Variants in CPEB3 observed in about 807,000 individuals in gnomAD.
The protein encoded by CPEB3 is cytoplasmic polyadenylation element binding protein 3.
In CPEB3, 20 loss-of-function variants were observed where a neutral mutation model predicts 67.2. The ratio of observed to expected loss-of-function variants is 0.30; its 90% CI spans 0.21 to 0.43. CPEB3 has a LOEUF of 0.43. Among genes scored for constraint, CPEB3 ranks in the 20% least tolerant of loss-of-function variants. The pLI is 1.00. For missense variants in CPEB3, 746 were observed against 968.6 expected (o/e 0.77, Z 3.05); for synonymous variants, 376 against 393.1 (o/e 0.96, Z 0.51).
intron 3 of CPEB3, among the ~76,000 whole-genome samples, chr10:92,190,473 G>C (rs7905301): frequency 0.35 from 52,627 of 151,192 alleles, 10,187 homozygotes; most frequent in African/African-American, 0.51. Flanking sequence ...TGAGACCAGC[G>C]TGACCAACAT....
intron 2 of CPEB3, among the ~76,000 whole-genome samples, chr10:92,211,757 G>A (rs557401193): frequency 2.0e-5 from 3 of 151,828 alleles, no homozygotes; most frequent in African/African-American, 7.2e-5. Flanking sequence ...TGGCTAGGCT[G>A]GTTTTGAACT....
chr10:92,178,090 C>A (rs966412543), intron 4 of CPEB3, among the ~76,000 whole-genome samples: 2 of 152,078 alleles, frequency 1.3e-5, no homozygotes, highest in African/African-American at 4.8e-5. Flanking sequence ...TCAACTTCAA[C>A]CTAGTCCCTT....
rs1224538105 is a variant in CPEB3, at chr10:92,249,405, T to C, written c.-11-9044A>G. Among the ~76,000 whole-genome samples, 6 of 150,574 alleles carry C rather than the reference T, an allele frequency of 4.0e-5. No individual in the cohort carries two copies. The East Asian group carries it at 1.2e-3, about 30-fold the overall frequency. ...AAAAAAAAAAAAAAATTATAGCACA[T>C]ACAATTATGTACAGTACAAAATACT... On this transcript the variant is annotated intron_variant, in intron 1 of 9. Transcript: ENST00000265997.
At chr10:92,080,959 T>G (rs1409684711) in intron 9 of CPEB3, among the ~76,000 whole-genome samples, 1 of 152,166 alleles carries the variant, frequency 6.6e-6, no homozygotes, top group East Asian at 1.9e-4. Context: ...TGTTTAAATG[T>G]TAATCTAAGT....
Position 92,289,650 on chromosome 10 carries a change from C to A in CPEB3, c.-12+1276G>T, listed in dbSNP as rs1193753273. Among the ~76,000 whole-genome samples the A allele has an allele frequency of 4.9e-5, 7 of 141,646 alleles. No individual in the cohort carries two copies. The Admixed American group carries it at 5.1e-4, about 10-fold the overall frequency. The allele number at this position is 141,646 out of a possible 152,430, so 92.9% of individuals were successfully genotyped here. On this transcript the variant is annotated intron_variant, in intron 1 of 9. Coordinates refer to ENST00000265997, the MANE Select transcript of CPEB3 (RefSeq NM_014912.5). ...ATCCCAACACTTTGGGAGACCAATG[C>A]GGGTGGCTCGCTTGAGCCCAGGAGT...
intron 6 of CPEB3, among the ~76,000 whole-genome samples, chr10:92,134,460 T>A (rs575589605): frequency 2.6e-5 from 4 of 151,792 alleles, no homozygotes; most frequent in African/African-American, 9.7e-5. Flanking sequence ...TTACAAGGGA[T>A]GTGAAGGACC....
intron 7 of CPEB3, among the ~76,000 whole-genome samples, chr10:92,095,424 G>T (rs1843812893): frequency 6.6e-6 from 1 of 151,820 alleles, no homozygotes; most frequent in Non-Finnish European, 1.5e-5. Context: ...TAATATTGTG[G>T]TACTATCTGT....
chr10:92,233,563 C>T (rs565910785), intron 2 of CPEB3, among the ~76,000 whole-genome samples: 2 of 142,674 alleles, frequency 1.4e-5, no homozygotes, highest in East Asian at 4.1e-4. Flanking sequence ...ATGGACAGAA[C>T]ACAAACTACT....
In CPEB3 at chr10:92,256,536, G is replaced by T. The variant is rs531601632; in HGVS notation, c.-11-16175C>A. Among the ~76,000 whole-genome samples the T allele has an allele frequency of 2.1e-3, 319 of 151,796 alleles. 2 individuals are homozygous for T. The highest frequency in any genetic ancestry group is 7.4e-3 in the African/African-American group (306 of 41,402). The stretch of plus-strand genomic sequence containing the variant: ...CCTGAGTAGCTGGGACTACAGGCAC[G>T]TGCCACCACACCCAGCTAATTTTTG... On this transcript the variant is annotated intron_variant, in intron 1 of 9. Coordinates refer to ENST00000265997, the MANE Select transcript of CPEB3 (RefSeq NM_014912.5).
At chr10:92,124,043 C>T (rs992830319) in intron 6 of CPEB3, among the ~76,000 whole-genome samples, 2 of 152,212 alleles carry the variant, frequency 1.3e-5, no homozygotes, top group African/African-American at 2.4e-5. Context: ...TCCTCTCTGC[C>T]TCAGTCTGCC....
intron 2 of CPEB3, among the ~76,000 whole-genome samples, chr10:92,206,434 CT>C (rs959806519): frequency 2.6e-5 from 4 of 152,084 alleles, no homozygotes; most frequent in African/African-American, 9.7e-5. Flanking sequence ...TCTATGTACT[CT>C]TTTTCCCTTT....
chr10:92,216,648 T>A, intron 2 of CPEB3: 1 of 1,607,652 alleles, frequency 6.2e-7, no homozygotes, highest in South Asian at 1.1e-5. Context: ...CTGCCCTATG[T>A]CTATATCCCC....
intron 9 of CPEB3, among the ~76,000 whole-genome samples, chr10:92,076,702 C>T (rs1384244783): frequency 1.3e-5 from 2 of 152,178 alleles, no homozygotes; most frequent in South Asian, 2.1e-4. Flanking sequence ...ACATGAGCCA[C>T]TGTGCCTGGC....
At chr10:92,171,234 G>C (rs1324175650) in intron 4 of CPEB3, among the ~76,000 whole-genome samples, 1 of 152,146 alleles carries the variant, frequency 6.6e-6, no homozygotes, top group East Asian at 1.9e-4. Flanking sequence ...GCCCTGCCCT[G>C]ATCCTTCAAA....
At chr10:92,099,661 C>G (rs1408046466) in intron 7 of CPEB3, among the ~76,000 whole-genome samples, 1 of 146,816 alleles carries the variant, frequency 6.8e-6, no homozygotes, top group South Asian at 2.2e-4. Flanking sequence ...CCAGACCAGT[C>G]TAGCCAACAT....
chr10:92,190,787 T>C (rs1292971211), intron 3 of CPEB3, among the ~76,000 whole-genome samples: 1 of 147,422 alleles, frequency 6.8e-6, no homozygotes, highest in East Asian at 2.2e-4. Context: ...TAGCCTACCA[T>C]CCTTCTCTTA....
intron 6 of CPEB3, among the ~76,000 whole-genome samples, chr10:92,132,980 A>C (rs1845914462): frequency 6.6e-6 from 1 of 152,218 alleles, no homozygotes; most frequent in Non-Finnish European, 1.5e-5. Flanking sequence ...GAGAACAAAG[A>C]CACAATGTAC....
chr10:92,115,319 A>G (rs1844963872), intron 6 of CPEB3, among the ~76,000 whole-genome samples: 1 of 152,088 alleles, frequency 6.6e-6, no homozygotes, highest in African/African-American at 2.4e-5. Context: ...ACACCCGACT[A>G]ATTTTTGTAT....
chr10:92,103,964 T>C (rs1188979083), intron 7 of CPEB3, among the ~76,000 whole-genome samples: 1 of 152,222 alleles, frequency 6.6e-6, no homozygotes, highest in African/African-American at 2.4e-5. Flanking sequence ...AAGTTTTTCC[T>C]GGGAAGATGC....
Sources: gnomAD v4.1 joint callset for allele counts (sites outside exome capture counted in the v4.1 genomes callset) on GRCh38, gnomAD v4.1.1 for gene constraint, MANE v1.5 for transcripts, NCBI Gene and HGNC (gene_info 2026-07-23, HGNC 2026-07-21) for gene names.